Variants in IQCE observed in about 807,000 individuals in gnomAD.
IQCE encodes the protein IQ domain-containing protein E.
Under a neutral mutation model 96.0 loss-of-function variants are expected in IQCE, and 115 were observed. That is an observed-to-expected ratio of 1.20 (90% CI 1.03 to 1.40). IQCE has a LOEUF of 1.40. Among genes scored for constraint, IQCE ranks in the 40% most tolerant of loss-of-function variants. The probability of loss-of-function intolerance (pLI) is 0.00; values close to 1 mark genes in which losing one functional copy is unlikely to be tolerated. For missense variants in IQCE, 1,041 were observed against 909.1 expected (o/e 1.15, Z -1.87); for synonymous variants, 412 against 371.2 (o/e 1.11, Z -1.26).
chr7:2,606,698 C>T (rs1784856691), intron 20 of IQCE, among the ~76,000 whole-genome samples: 1 of 152,190 alleles, frequency 6.6e-6, no homozygotes, highest in African/African-American at 2.4e-5. Flanking sequence ...GTCCTGACCC[C>T]ATGTGACCTG....
intron 1 of IQCE, among the ~76,000 whole-genome samples, chr7:2,564,818 C>T (rs780990838): frequency 6.6e-6 from 1 of 152,068 alleles, no homozygotes; most frequent in Non-Finnish European, 1.5e-5. Flanking sequence ...TTTTTAGTGT[C>T]TGCTGATCAA....
At position 2,558,999 on chromosome 7, in the gene IQCE, C is replaced by A; in HGVS notation, c.-183C>A. ...ACTCTGCGCACGCGCATGGTCGCCC[C>A]AGGGGGAACGCAGGTCGCTTACCCG... On this transcript the variant is annotated 5_prime_UTR_variant, in exon 1 of 22. Coordinates refer to ENST00000402050, the MANE Select transcript of IQCE (RefSeq NM_152558.5). The A allele has an allele frequency of 2.9e-6, 1 of 348,232 alleles. No individual in the cohort carries two copies. Among genetic ancestry groups the A allele is most frequent in the Non-Finnish European group, 5.1e-6 (1 of 196,390 alleles). The allele number at this position is 348,232 out of a possible 1,614,324, so 21.6% of individuals were successfully genotyped here.
At chr7:2,571,127 C>G (rs945822593) in intron 3 of IQCE, among the ~76,000 whole-genome samples, 1 of 152,264 alleles carries the variant, frequency 6.6e-6, no homozygotes, top group East Asian at 1.9e-4. Flanking sequence ...AAGAGATCCT[C>G]CTGCCTCAGC....
At chr7:2,608,334 C>T (rs868306980) in intron 21 of IQCE, among the ~76,000 whole-genome samples, 2 of 152,236 alleles carry the variant, frequency 1.3e-5, no homozygotes, top group South Asian at 4.1e-4. Flanking sequence ...GAGAGCCTTC[C>T]CTCCCCAGGG....
At position 2,572,222 on chromosome 7, in the gene IQCE, T is replaced by C; in HGVS notation, c.290T>C (p.Leu97Pro). 4 of 1,614,118 alleles carry C rather than the reference T, an allele frequency of 2.5e-6. No individual in the cohort carries two copies. Among genetic ancestry groups the C allele is most frequent in the Non-Finnish European group, 3.4e-6 (4 of 1,179,982 alleles). Residue 97 changes from leucine to proline, a missense_variant, in exon 5 of 22, where the codon CTC (leucine) becomes CCC (proline). By Grantham distance (98) the Leu-to-Pro change is moderately conservative. Transcript: ENST00000402050. Reference sequence around the variant, plus strand: ...CTGACCCAGGCCCTGAACTCACCCCTCACCTGGGAGCATGCGTGGACTGGC... The same window carrying C: ...CTGACCCAGGCCCTGAACTCACCCCCCACCTGGGAGCATGCGTGGACTGGC... ...GSLTQALNSP[L>P]TWEHAWTGVP...
intron 12 of IQCE, 37 bp from the exon 13 acceptor site, chr7:2,587,785 C>CA (rs1383817448): frequency 1.2e-6 from 2 of 1,608,920 alleles, no homozygotes; most frequent in South Asian, 2.2e-5. Context: ...GCAGTGCCCA[C>CA]CAGGATGCCG....
chr7:2,569,991 G>A (rs536985481), intron 3 of IQCE, among the ~76,000 whole-genome samples: 9 of 152,232 alleles, frequency 5.9e-5, no homozygotes, highest in South Asian at 2.1e-4. Context: ...GGCCAGGACC[G>A]GGGGTGCCTC....
At position 2,604,879 on chromosome 7, in the gene IQCE, A is replaced by G; in HGVS notation, c.1633-2A>G. The stretch of plus-strand genomic sequence containing the variant: ...TTCTCTCCCTGCTTCCTTCCCTGAC[A>G]GGCGGCTGTGGTGCTTCAGGCAGCT... On this transcript the variant is annotated splice_acceptor_variant, in intron 18 of 21. Transcript: ENST00000402050. LOFTEE classifies it high-confidence loss of function. 6.2e-7 allele frequency: 1 copy of G among 1,611,994 alleles called. No individual in the cohort carries two copies. The highest frequency in any genetic ancestry group is 8.5e-7 in the Non-Finnish European group (1 of 1,178,446).
At chr7:2,576,398 T>C (rs1222225967) in intron 6 of IQCE, among the ~76,000 whole-genome samples, 1 of 152,116 alleles carries the variant, frequency 6.6e-6, no homozygotes, top group Non-Finnish European at 1.5e-5. Flanking sequence ...TTGTGAGAAA[T>C]CCACTACAGA....
intron 11 of IQCE, chr7:2,584,503 G>A (rs993512337): frequency 7.1e-5 from 41 of 575,510 alleles, no homozygotes; most frequent in South Asian, 4.3e-4. Context: ...TGGCCAACGC[G>A]TGTTCAATGC....
chr7:2,595,239 A>T (rs1395586779), intron 16 of IQCE, among the ~76,000 whole-genome samples: 1 of 152,238 alleles, frequency 6.6e-6, no homozygotes, highest in African/African-American at 2.4e-5. Context: ...AATCTTGGTC[A>T]TGCGGAGGGT....
intron 8 of IQCE, among the ~76,000 whole-genome samples, chr7:2,579,921 T>G (rs1782537796): frequency 6.8e-6 from 1 of 147,140 alleles, no homozygotes; most frequent in Non-Finnish European, 1.5e-5. Flanking sequence ...GCAGCTAATT[T>G]TTTTTTAGTT....
At chr7:2,599,943 A>G (rs966862836) in intron 17 of IQCE, among the ~76,000 whole-genome samples, 25 of 151,982 alleles carry the variant, frequency 1.6e-4, no homozygotes, top group African/African-American at 6.0e-4. Flanking sequence ...ACAGGCACAC[A>G]CCACCATGCA....
At chr7:2,564,716 T>C (rs924734377) in intron 1 of IQCE, among the ~76,000 whole-genome samples, 1 of 152,254 alleles carries the variant, frequency 6.6e-6, no homozygotes, top group Non-Finnish European at 1.5e-5. Flanking sequence ...GGCTTTTTTG[T>C]GGCCTATGGT....
chr7:2,606,054 G>C, intron 20 of IQCE, 57 bp downstream of exon 20: 1 of 1,548,940 alleles, frequency 6.5e-7, no homozygotes, highest in Non-Finnish European at 8.7e-7. Flanking sequence ...GCTGCCCACC[G>C]CACTGGGCCC....
At chr7:2,576,555 A>G (rs2128442180) in intron 6 of IQCE, among the ~76,000 whole-genome samples, 2 of 152,058 alleles carry the variant, frequency 1.3e-5, no homozygotes, top group Admixed American at 1.3e-4. Flanking sequence ...GCGTGCCACC[A>G]CACCTGGCTA....
rs1373291664 is a variant in IQCE at position 2,611,129 on chromosome 7, T to TGGGCTGGGCTGGGCC, written c.*972_*986dup. On this transcript the variant is annotated 3_prime_UTR_variant, in exon 22 of 22. Coordinates refer to ENST00000402050, the MANE Select transcript of IQCE (RefSeq NM_152558.5). ...GCTCCATGGCTGGGCTGGGCTGGGCTGGGCTGGGCTGGGCCGGGCGTGCGG... is the reference window on the plus strand; with the variant it reads ...GCTCCATGGCTGGGCTGGGCTGGGCTGGGCTGGGCTGGGCCGGGCTGGGCTGGGCCGGGCGTGCGG... 11 of 123,580 alleles carry TGGGCTGGGCTGGGCC rather than the reference T, an allele frequency of 8.9e-5. No individual in the cohort carries two copies. The highest frequency in any genetic ancestry group is 6.9e-4 in the Admixed American group (9 of 13,074). 7.7% of individuals were successfully genotyped at this position (123,580 alleles called of 1,614,324 possible).
At chr7:2,574,178 C>T (rs1171022874) in intron 6 of IQCE, among the ~76,000 whole-genome samples, 6 of 152,204 alleles carry the variant, frequency 3.9e-5, no homozygotes, top group African/African-American at 1.2e-4. Context: ...AAATCATCTG[C>T]GTTCATTTCC....
intron 1 of IQCE, among the ~76,000 whole-genome samples, chr7:2,565,439 G>A (rs1305256682): frequency 6.6e-6 from 1 of 152,156 alleles, no homozygotes; most frequent in Non-Finnish European, 1.5e-5. Context: ...TGAGATCAAT[G>A]CATTTTGTTT....
Sources: allele counts gnomAD v4.1 joint callset (sites outside exome capture counted in the v4.1 genomes callset), GRCh38; gene constraint gnomAD v4.1.1; transcripts MANE v1.5; gene names NCBI Gene and HGNC (gene_info 2026-07-23, HGNC 2026-07-21).